Variants in SI observed in about 807,000 individuals in gnomAD.
SI encodes the protein sucrase-isomaltase, intestinal.
SI carries 235 observed loss-of-function variants against 253.3 expected under a neutral mutation model. The observed-to-expected ratio is 0.93, with a 90% CI of 0.83 to 1.03. SI has a LOEUF of 1.03. Ranked by LOEUF, SI falls within the 50% of genes least tolerant of loss-of-function variation. The probability of loss-of-function intolerance (pLI) is 0.00; values close to 1 mark genes in which losing one functional copy is unlikely to be tolerated. For synonymous variants in SI, 819 were observed against 712.0 expected (o/e 1.15, Z -2.39); for missense variants, 2,442 against 2,211.1 (o/e 1.10, Z -2.09).
chr3:165,021,528 AAC>A, intron 26 of SI, 145 bp from the exon 27 acceptor site: 1 of 687,542 alleles, frequency 1.5e-6, no homozygotes, highest in Admixed American at 2.4e-5. Context: ...TGGTCCATAT[AAC>A]CATATCAATA....
intron 40 of SI, among the ~76,000 whole-genome samples, chr3:164,995,045 C>G (rs917368127): frequency 2.6e-5 from 4 of 151,560 alleles, no homozygotes; most frequent in Non-Finnish European, 5.9e-5. Flanking sequence ...AAATAATAGG[C>G]AAGAAAAGTT....
chr3:165,012,912 T>C (rs760452693), intron 34 of SI, 68 bp downstream of exon 34: 1 of 959,782 alleles, frequency 1.0e-6, no homozygotes, highest in Non-Finnish European at 1.7e-6. Context: ...ATTTAGTTAT[T>C]GATTAAAATA....
At chr3:165,008,981 T>C (rs1255953364) in intron 35 of SI, among the ~76,000 whole-genome samples, 1 of 152,012 alleles carries the variant, frequency 6.6e-6, no homozygotes, top group Non-Finnish European at 1.5e-5. Context: ...GCCTGACACT[T>C]ATTCCTATAT....
At chr3:165,019,415 C>A (rs1354111627) in intron 28 of SI, among the ~76,000 whole-genome samples, 187 bp downstream of exon 28, 1 of 151,956 alleles carries the variant, frequency 6.6e-6, no homozygotes, top group African/African-American at 2.4e-5. Context: ...CACTCCTCTA[C>A]TTCCACCTGT....
intron 45 of SI, among the ~76,000 whole-genome samples, chr3:164,986,094 G>C (rs555186378): frequency 2.3e-4 from 35 of 152,226 alleles, no homozygotes; most frequent in Non-Finnish European, 5.0e-4. Context: ...AAATTTACTT[G>C]AGATTGGTTT....
intron 1 of SI, among the ~76,000 whole-genome samples, chr3:165,076,607 G>T (rs1238418448): frequency 6.6e-6 from 1 of 151,558 alleles, no homozygotes; most frequent in African/African-American, 2.4e-5. Context: ...TTTGGGAGTT[G>T]CTACTCTGTT....
chr3:165,063,184 G>A (rs1197192237), intron 8 of SI, among the ~76,000 whole-genome samples: 2 of 152,044 alleles, frequency 1.3e-5, no homozygotes, highest in Non-Finnish European at 2.9e-5. Context: ...TGGCATGGAT[G>A]TGTTTCAACA....
intron 12 of SI, among the ~76,000 whole-genome samples, chr3:165,058,146 A>G (rs992851944): frequency 6.6e-6 from 1 of 152,040 alleles, no homozygotes. Flanking sequence ...TTTGGAAGCT[A>G]TATGAAAACA....
At chr3:165,067,257 C>A in intron 6 of SI, 83 bp downstream of exon 6, 3 of 1,066,406 alleles carry the variant, frequency 2.8e-6, no homozygotes, top group South Asian at 1.6e-5. Flanking sequence ...AAATTTATTT[C>A]TACTGAAAAT....
intron 37 of SI, among the ~76,000 whole-genome samples, chr3:165,006,280 T>C (rs1718507393): frequency 6.6e-6 from 1 of 152,080 alleles, no homozygotes; most frequent in Admixed American, 6.6e-5. Context: ...GGCTAATTTT[T>C]TGTATTTTTA....
Position 165,049,150 on chromosome 3 carries a change from G to C in SI, c.1692C>G (p.Tyr564Ter), listed in dbSNP as rs775470535. 6.3e-7 allele frequency: 1 copy of C among 1,596,480 alleles called. No individual in the cohort carries two copies. The highest frequency in any genetic ancestry group is 1.3e-5 in the African/African-American group (1 of 74,686). ...KQYDVHSLYGYSMAIATEQAV... is the reference protein window; with the variant it reads ...KQYDVHSLYG ...ACTGCTCTGTGGCTATAGCCATGCT[G>C]TATCCATAGAGGCTATGAACATCAT... The change falls in exon 15 of 48, where the codon TAC becomes TAG. Residue 564 changes from tyrosine to a stop codon, truncating the protein, a stop_gained. Coordinates refer to ENST00000264382, the MANE Select transcript of SI (RefSeq NM_001041.4). LOFTEE classifies it high-confidence loss of function.
chr3:165,006,799 T>C lies in SI; in HGVS notation c.4406+17A>G, dbSNP rs981414580. 6.2e-6 allele frequency: 10 copies of C among 1,607,818 alleles called. No individual in the cohort carries two copies. Among genetic ancestry groups the C allele is most frequent in the Non-Finnish European group, 8.5e-6 (10 of 1,175,004 alleles). ...AGAATAAAAGAGTCAGAGAGGATAA[T>C]TCAGAACATTGCTTACTCATGAGTA... On this transcript the variant is annotated intron_variant, in intron 37 of 47. Transcript: ENST00000264382.
At chr3:165,056,922 C>T (rs193229379) in intron 12 of SI, among the ~76,000 whole-genome samples, 86 of 152,060 alleles carry the variant, frequency 5.7e-4, no homozygotes, top group African/African-American at 2.0e-3. Context: ...CTCTTCAGTG[C>T]CCAGACAGTG....
Position 165,039,935 on chromosome 3 carries a change from A to T in SI, c.2196T>A (p.Thr732=). ...GTAATGCAGGGCCCCACAAAAACTC[A>T]GTGTCCTCAATCCAGCTGTTCGTAT... ...YEDTNSWIED[T]EFLWGPALLI... Residue 732 remains threonine, a synonymous_variant, in exon 19 of 48, where the codon ACT becomes ACA. Coordinates refer to ENST00000264382, the MANE Select transcript of SI (RefSeq NM_001041.4). The T allele has an allele frequency of 6.2e-7, 1 of 1,613,378 alleles. No individual in the cohort carries two copies. Among genetic ancestry groups the T allele is most frequent in the Non-Finnish European group, 8.5e-7 (1 of 1,179,442 alleles).
At chr3:165,056,378 TC>T (rs147892328) in intron 12 of SI, among the ~76,000 whole-genome samples, 37,860 of 151,554 alleles carry the variant, frequency 0.25, 5,010 homozygotes, top group Non-Finnish European at 0.31. Context: ...CCAGTGACCA[TC>T]CCCCCCTGCA....
intron 41 of SI, 116 bp from the exon 42 acceptor site, chr3:164,992,513 ACAAAACTGTAAAAAAATTAAAAAATATAT>A: frequency 2.8e-6 from 2 of 720,794 alleles, no homozygotes; most frequent in Non-Finnish European, 4.6e-6. Context: ...TAAAATAAAA[ACAAAACTGTAAAAAAATTAAAAAATATAT>A]CAGTTGGAAT....
In SI at chr3:164,983,986, C is replaced by A. The variant is rs554312536; in HGVS notation, c.5198-935G>T. Among the ~76,000 whole-genome samples, 15 of 152,188 alleles carry A rather than the reference C, an allele frequency of 9.9e-5. No individual in the cohort carries two copies. In the South Asian group the frequency reaches 2.5e-3, roughly 25 times the overall value. On this transcript the variant is annotated intron_variant, in intron 45 of 47. Transcript: ENST00000264382. Reference sequence around the variant, plus strand: ...CTGACTATTTGCCAAATTCTAAATACTGTATCACTTTACTCTAAAAGATAT... The same window carrying A: ...CTGACTATTTGCCAAATTCTAAATAATGTATCACTTTACTCTAAAAGATAT...
intron 47 of SI, among the ~76,000 whole-genome samples, chr3:164,979,763 C>T (rs11918234): frequency 7.2e-4 from 109 of 151,836 alleles, no homozygotes; most frequent in African/African-American, 2.0e-3. Context: ...ATAACTGCAC[C>T]GCATGAATCT....
In SI at chr3:165,009,385, G is replaced by A; in HGVS notation, c.4073C>T (p.Ala1358Val). The A allele has an allele frequency of 1.2e-6, 2 of 1,612,244 alleles. No individual in the cohort carries two copies. Among genetic ancestry groups the A allele is most frequent in the Non-Finnish European group, 1.7e-6 (2 of 1,178,462 alleles). ...TEDEAVNASR[A>V]HVAFPDFFRT... The stretch of plus-strand genomic sequence containing the variant: ...GAAGAAATCTGGGAAAGCTACATGA[G>A]CTCTGGAAGCCTGTAAAACCAAAAT... The change falls in exon 35 of 48, where the codon GCT becomes GTT. Residue 1358 changes from alanine to valine, a missense_variant. Physicochemically the swap from Ala to Val is moderately conservative, Grantham distance 64. Coordinates refer to ENST00000264382, the MANE Select transcript of SI (RefSeq NM_001041.4).
Sources: allele counts gnomAD v4.1 joint callset (sites outside exome capture counted in the v4.1 genomes callset), GRCh38; gene constraint gnomAD v4.1.1; transcripts MANE v1.5; gene names NCBI Gene and HGNC (gene_info 2026-07-23, HGNC 2026-07-21).